CCDC150: variants seen among roughly 807,000 people sequenced by gnomAD.
CCDC150 encodes the protein coiled-coil domain-containing protein 150.
A neutral mutation model predicts 156.5 loss-of-function variants in CCDC150; 151 were observed. That is an observed-to-expected ratio of 0.97 (90% CI 0.85 to 1.10). The LOEUF is 1.10. CCDC150 is among the 50% of genes least tolerant of loss of function. CCDC150 has a pLI of 0.00. For missense variants in CCDC150, 1,312 were observed against 1,268.1 expected (o/e 1.03, Z -0.53); for synonymous variants, 452 against 429.4 (o/e 1.05, Z -0.65).
At chr2:196,688,743 G>A (rs1695264854) in intron 13 of CCDC150, among the ~76,000 whole-genome samples, 2 of 151,938 alleles carry the variant, frequency 1.3e-5, no homozygotes. Flanking sequence ...AAGCTCTTTA[G>A]TTTAATTAGA....
At chr2:196,673,437 G>T (rs1694321112) in intron 9 of CCDC150, among the ~76,000 whole-genome samples, 1 of 152,148 alleles carries the variant, frequency 6.6e-6, no homozygotes, top group African/African-American at 2.4e-5. Flanking sequence ...TTGTACATCT[G>T]CATCTGGTGT....
At chr2:196,713,823 G>A in intron 17 of CCDC150, 1 of 962,554 alleles carries the variant, frequency 1.0e-6, no homozygotes, top group Non-Finnish European at 1.4e-6. Context: ...GACTAATATA[G>A]ATTGAAACCA....
In CCDC150 at chr2:196,714,969, G is replaced by A. The variant is rs534704650; in HGVS notation, c.1866+2230G>A. Among the ~76,000 whole-genome samples the A allele has an allele frequency of 3.0e-4, 46 of 152,210 alleles. No individual in the cohort carries two copies. In the South Asian group the frequency reaches 9.4e-3, roughly 31 times the overall value. On this transcript the variant is annotated intron_variant, in intron 17 of 27. Coordinates refer to ENST00000389175, the MANE Select transcript of CCDC150 (RefSeq NM_001080539.2). ...GTAGAAAAAGTTAAATATTTTAAAT[G>A]TTACAGGTTCAAGTTTAAGGATGTT...
intron 15 of CCDC150, among the ~76,000 whole-genome samples, chr2:196,706,133 G>C (rs1407381363): frequency 6.6e-6 from 1 of 152,152 alleles, no homozygotes; most frequent in Non-Finnish European, 1.5e-5. Context: ...TGGGCAGTAT[G>C]GCCATACGGC....
chr2:196,649,528 C>T (rs888453198), intron 2 of CCDC150, among the ~76,000 whole-genome samples: 1 of 152,130 alleles, frequency 6.6e-6, no homozygotes, highest in Non-Finnish European at 1.5e-5. Flanking sequence ...GAGATATAGC[C>T]TAGGTACGGA....
chr2:196,643,888 G>A (rs1229411113), intron 1 of CCDC150, among the ~76,000 whole-genome samples: 2 of 152,156 alleles, frequency 1.3e-5, no homozygotes, highest in East Asian at 3.8e-4. Context: ...ACAAAAAAAA[G>A]TTTTTTATCT....
At chr2:196,716,846 C>CT (rs775962426) in intron 17 of CCDC150, among the ~76,000 whole-genome samples, 4,683 of 74,378 alleles carry the variant, frequency 0.063, 1,436 homozygotes, top group African/African-American at 0.12. Flanking sequence ...AAATAACATT[C>CT]TTTTTTTTTT....
intron 21 of CCDC150, among the ~76,000 whole-genome samples, chr2:196,725,271 A>G (rs1411128909): frequency 1.3e-5 from 2 of 152,184 alleles, no homozygotes; most frequent in Admixed American, 1.3e-4. Context: ...GAGAATGTTA[A>G]AGCTGGAATA....
At chr2:196,680,041 A>G (rs1009716417) in intron 13 of CCDC150, among the ~76,000 whole-genome samples, 1 of 152,112 alleles carries the variant, frequency 6.6e-6, no homozygotes, top group African/African-American at 2.4e-5. Flanking sequence ...TTTGTCAGAT[A>G]TGTGTTTTAT....
Position 196,663,491 on chromosome 2 carries a change from GGTAA to G in CCDC150, c.646-2075_646-2072del, listed in dbSNP as rs1195917350. 9.0e-3 allele frequency among the ~76,000 whole-genome samples: 1,251 copies of G among 139,672 alleles called. 18 individuals carry two copies. Among genetic ancestry groups the G allele is most frequent in the African/African-American group, 0.03 (1,150 of 38,004 alleles). 91.6% of individuals were successfully genotyped at this position (139,672 alleles called of 152,430 possible). A position where few individuals can be genotyped will look rare whatever the true frequency, so the allele number is the denominator to read the frequency against. Reference sequence around the variant, plus strand: ...TTTATTCAAATACTATTGATAAGAAGGTAATAATTGGAAAATTATGAAGGTAATA... The same window carrying G: ...TTTATTCAAATACTATTGATAAGAAGTAATTGGAAAATTATGAAGGTAATA... On this transcript the variant is annotated intron_variant, in intron 5 of 27. Transcript: ENST00000389175.
intron 13 of CCDC150, among the ~76,000 whole-genome samples, chr2:196,687,613 T>G (rs1172843286): frequency 2.0e-5 from 3 of 152,208 alleles, no homozygotes; most frequent in Non-Finnish European, 4.4e-5. Flanking sequence ...TTAGATCCCA[T>G]TTGTCAATTT....
At chr2:196,653,310 C>T (rs1348252501) in intron 2 of CCDC150, among the ~76,000 whole-genome samples, 3 of 152,206 alleles carry the variant, frequency 2.0e-5, no homozygotes, top group African/African-American at 7.2e-5. Flanking sequence ...AACCTTAAGT[C>T]ATTTCTTTGC....
chr2:196,712,034 T>TA lies in CCDC150; in HGVS notation c.1696-110dup, dbSNP rs1223976041. ...TCTGTAATTTTTTTTTTTTTTTTTT[T>TA]ACAACTCATGACCCTTTTTCCCCCT... On this transcript the variant is annotated intron_variant, in intron 15 of 27. Transcript: ENST00000389175. The TA allele has an allele frequency of 5.4e-5, 19 of 351,600 alleles. No homozygotes were observed. The East Asian group carries it at 7.3e-4, about 14-fold the overall frequency. 21.8% of individuals were successfully genotyped at this position (351,600 alleles called of 1,614,324 possible).
chr2:196,646,860 T>C (rs144278619), intron 2 of CCDC150, among the ~76,000 whole-genome samples: 2 of 152,258 alleles, frequency 1.3e-5, no homozygotes, highest in East Asian at 1.9e-4. Flanking sequence ...AAAATGTTGC[T>C]TCATGCCATT....
At chr2:196,658,455 A>G (rs1693357459) in intron 4 of CCDC150, among the ~76,000 whole-genome samples, 1 of 152,190 alleles carries the variant, frequency 6.6e-6, no homozygotes, top group Non-Finnish European at 1.5e-5. Flanking sequence ...GAGTTCTTTA[A>G]AAAATTAAGA....
intron 2 of CCDC150, among the ~76,000 whole-genome samples, chr2:196,655,285 C>A (rs1418451201): frequency 6.6e-6 from 1 of 152,138 alleles, no homozygotes; most frequent in African/African-American, 2.4e-5. Context: ...TCTTTGTTTT[C>A]TGTGGTCTAG....
chr2:196,683,833 G>A (rs897940192), intron 13 of CCDC150, among the ~76,000 whole-genome samples: 1 of 151,784 alleles, frequency 6.6e-6, no homozygotes, highest in African/African-American at 2.4e-5. Context: ...CTTTCTTTCT[G>A]TAAGGTCAGT....
At chr2:196,666,117 A>G (rs1693825473) in intron 6 of CCDC150, among the ~76,000 whole-genome samples, 1 of 152,242 alleles carries the variant, frequency 6.6e-6, no homozygotes, top group Non-Finnish European at 1.5e-5. Flanking sequence ...GCATATCAAT[A>G]AGTAAAACAA....
At chr2:196,648,643 C>T (rs1692684991) in intron 2 of CCDC150, among the ~76,000 whole-genome samples, 1 of 152,130 alleles carries the variant, frequency 6.6e-6, no homozygotes, top group Non-Finnish European at 1.5e-5. Context: ...TAGTTTGATG[C>T]ATTTCTATTT....
Sources: allele counts gnomAD v4.1 joint callset (sites outside exome capture counted in the v4.1 genomes callset), GRCh38; gene constraint gnomAD v4.1.1; transcripts MANE v1.5; gene names NCBI Gene and HGNC (gene_info 2026-07-23, HGNC 2026-07-21).